Variants in IQSEC1 observed in about 807,000 individuals in gnomAD.
IQSEC1 encodes the protein IQ motif and SEC7 domain-containing protein 1.
In IQSEC1, 31 loss-of-function variants were observed where a neutral mutation model predicts 91.0. The ratio of observed to expected loss-of-function variants is 0.34; its 90% CI spans 0.26 to 0.46. The LOEUF is 0.46. Ranked by LOEUF, IQSEC1 falls within the 20% of genes least tolerant of loss-of-function variation. The pLI, the probability that IQSEC1 is intolerant of heterozygous loss-of-function variation, is 1.00. For synonymous variants in IQSEC1, 699 were observed against 662.6 expected, an observed-to-expected ratio of 1.05 and a Z score of -0.84; for missense variants, 1,388 against 1,575.6, an observed-to-expected ratio of 0.88 and a Z score of 2.02.
At chr3:13,201,134 AG>A (rs1415466920) in intron 1 of IQSEC1, among the ~76,000 whole-genome samples, 1 of 152,178 alleles carries the variant, frequency 6.6e-6, no homozygotes, top group Non-Finnish European at 1.5e-5. Flanking sequence ...CATCTGCAGC[AG>A]GGGGAGCTGG....
chr3:12,952,484 G>A (rs990211156), intron 1 of IQSEC1, among the ~76,000 whole-genome samples: 5 of 152,136 alleles, frequency 3.3e-5, no homozygotes, highest in African/African-American at 1.2e-4. Context: ...GACTGCCATG[G>A]CCTCTCCAGG....
At chr3:12,913,686 TCA>T in intron 8 of IQSEC1, 133 bp from the exon 9 acceptor site, 1 of 755,838 alleles carries the variant, frequency 1.3e-6, no homozygotes, top group Non-Finnish European at 2.0e-6. Flanking sequence ...ATGCCTTCCC[TCA>T]CAGACATTGA....
rs919766678 is a variant in IQSEC1, at chr3:13,193,485, G to A, written c.273-29352C>T. On this transcript the variant is annotated intron_variant, in intron 1 of 15. Transcript: ENST00000648114. The surrounding 1 kb of genome is among the most constrained non-coding windows in gnomAD (Gnocchi z 4.2). ...ACGCTGGGGGATGAAGGATGTGGAC[G>A]GTCGGGTGGTGACTGGGAACAAGGC... Among the ~76,000 whole-genome samples, 49 of 152,256 alleles carry A rather than the reference G, an allele frequency of 3.2e-4. No homozygotes were observed. Among genetic ancestry groups the A allele is most frequent in the African/African-American group, 1.0e-3 (43 of 41,536 alleles).
chr3:12,964,321 CACACAT>C lies in IQSEC1; in HGVS notation c.24-22462_24-22457del, dbSNP rs200251891. Among the ~76,000 whole-genome samples, 151 of 152,064 alleles carry C rather than the reference CACACAT, an allele frequency of 9.9e-4. 1 individual carries two copies. The highest frequency in any genetic ancestry group is 3.3e-3 in the African/African-American group (139 of 41,514). The stretch of plus-strand genomic sequence containing the variant: ...CCCTACACACACACACACACACACA[CACACAT>C]GCTTCCATGGGAGATCTCTCCCAAG... On this transcript the variant is annotated intron_variant, in intron 1 of 13. Transcript: ENST00000613206.
chr3:13,057,191 T>G (rs535207080), intron 1 of IQSEC1, among the ~76,000 whole-genome samples: 1 of 152,344 alleles, frequency 6.6e-6, no homozygotes, highest in East Asian at 1.9e-4. Context: ...ACTCACTCTC[T>G]GGCCATTCGG....
At chr3:13,194,380 T>C (rs1028181553) in intron 1 of IQSEC1, among the ~76,000 whole-genome samples, 20 of 152,116 alleles carry the variant, frequency 1.3e-4, no homozygotes, top group Admixed American at 3.3e-4. Context: ...GCCTCTCCTA[T>C]GCTCTGACTC....
intron 1 of IQSEC1, among the ~76,000 whole-genome samples, chr3:13,221,410 G>A (rs1442256338): frequency 6.6e-6 from 1 of 152,212 alleles, no homozygotes; most frequent in African/African-American, 2.4e-5. Context: ...CAGAGCCTCT[G>A]TCACACAGAG....
intron 1 of IQSEC1, among the ~76,000 whole-genome samples, chr3:12,953,290 C>T (rs1205009523): frequency 1.3e-5 from 2 of 152,240 alleles, no homozygotes; most frequent in South Asian, 2.1e-4. Flanking sequence ...CAGCCCGACC[C>T]GATCCGCGAG....
At chr3:13,052,550 A>G (rs986808902) in intron 1 of IQSEC1, among the ~76,000 whole-genome samples, 1 of 152,194 alleles carries the variant, frequency 6.6e-6, no homozygotes, top group African/African-American at 2.4e-5. Context: ...CATTCTCTGG[A>G]AGAAATGCCC....
chr3:12,963,459 G>A (rs1279483949), intron 1 of IQSEC1, among the ~76,000 whole-genome samples: 1 of 152,242 alleles, frequency 6.6e-6, no homozygotes, highest in Non-Finnish European at 1.5e-5. Context: ...AAAACTGTGA[G>A]GAATCATTTT....
chr3:13,102,632 A>C (rs1370858756), intron 2 of IQSEC1, among the ~76,000 whole-genome samples: 1 of 152,084 alleles, frequency 6.6e-6, no homozygotes, highest in Non-Finnish European at 1.5e-5. Context: ...GAAGATATTT[A>C]TTGGTAACCA....
chr3:13,138,418 A>G (rs1362184944), intron 2 of IQSEC1, among the ~76,000 whole-genome samples: 1 of 151,694 alleles, frequency 6.6e-6, no homozygotes, highest in Non-Finnish European at 1.5e-5. Flanking sequence ...CTGATGCCCC[A>G]TGTGGAGCCT....
chr3:12,969,375 A>G (rs1230500418), intron 1 of IQSEC1, among the ~76,000 whole-genome samples: 1 of 152,202 alleles, frequency 6.6e-6, no homozygotes, highest in Non-Finnish European at 1.5e-5. Flanking sequence ...CAAGACCGCA[A>G]TACCACCTCA....
At chr3:13,055,079 C>G (rs1704826048) in intron 1 of IQSEC1, among the ~76,000 whole-genome samples, 1 of 152,256 alleles carries the variant, frequency 6.6e-6, no homozygotes. Context: ...TGGCTCTGGG[C>G]CACAGACCGC....
intron 1 of IQSEC1, among the ~76,000 whole-genome samples, chr3:13,231,240 T>A (rs1219004954): frequency 6.6e-6 from 1 of 152,234 alleles, no homozygotes; most frequent in Non-Finnish European, 1.5e-5. Context: ...ATAATACTCA[T>A]TTTCCATGAA....
At position 12,994,800 on chromosome 3, in the gene IQSEC1, A is replaced by G. The variant is rs374566333; in HGVS notation, c.24-52935T>C. ...CCTGCCGGTGCCGCCCCCATCCCTC[A>G]GCCGACCTCGATTTAGATGCTGGGA... On this transcript the variant is annotated intron_variant, in intron 1 of 13. Transcript: ENST00000613206. The surrounding 1 kb of genome is among the most constrained non-coding windows in gnomAD (Gnocchi z 4.5). Among the ~76,000 whole-genome samples, 11 of 152,336 alleles carry G rather than the reference A, an allele frequency of 7.2e-5. 1 individual carries two copies. The highest frequency in any genetic ancestry group is 5.2e-4 in the Admixed American group (8 of 15,308).
intron 1 of IQSEC1, among the ~76,000 whole-genome samples, chr3:13,250,489 G>C (rs989031198): frequency 6.7e-6 from 1 of 148,636 alleles, no homozygotes; most frequent in Non-Finnish European, 1.5e-5. Flanking sequence ...CTTGATCTTG[G>C]CTCACTTCAA....
intron 4 of IQSEC1, among the ~76,000 whole-genome samples, chr3:12,923,064 A>T (rs1488253766): frequency 6.6e-6 from 1 of 152,098 alleles, no homozygotes; most frequent in African/African-American, 2.4e-5. Flanking sequence ...TGAGCGCTCA[A>T]GGCCTCCTGG....
intron 1 of IQSEC1, 80 bp from the exon 2 acceptor site, chr3:12,941,945 C>T (rs1698794673): frequency 7.5e-7 from 1 of 1,328,958 alleles, no homozygotes; most frequent in Admixed American, 2.4e-5. Context: ...CGTGACCCCA[C>T]CATGCTCCTG....
Sources: allele counts gnomAD v4.1 joint callset (sites outside exome capture counted in the v4.1 genomes callset), GRCh38; gene constraint gnomAD v4.1.1; non-coding constraint Gnocchi (gnomAD v3.1); transcripts MANE v1.5; gene names NCBI Gene and HGNC (gene_info 2026-07-23, HGNC 2026-07-21).